The following IGSF11 variants were observed in gnomAD, a reference collection of about 807,000 sequenced individuals.
IGSF11 encodes the protein immunoglobulin superfamily member 11.
A neutral mutation model predicts 41.0 loss-of-function variants in IGSF11; 22 were observed. That is an observed-to-expected ratio of 0.54 (90% confidence interval 0.38 to 0.77). IGSF11 has a LOEUF of 0.77. IGSF11 is among the 30% of genes least tolerant of loss of function. The pLI, the probability that IGSF11 is intolerant of heterozygous loss-of-function variation, is 0.00. For synonymous variants in IGSF11, 219 were observed against 201.3 expected (o/e 1.09, Z -0.74); for missense variants, 444 against 530.8 (o/e 0.84, Z 1.61).
intron 1 of IGSF11, among the ~76,000 whole-genome samples, chr3:118,946,206 A>ACG (rs1450766007): frequency 1.6e-5 from 2 of 128,154 alleles, no homozygotes; most frequent in African/African-American, 5.3e-5. Flanking sequence ...ACACACACGC[A>ACG]CACACACACA....
At chr3:118,939,833 C>T (rs1943549232) in intron 1 of IGSF11, among the ~76,000 whole-genome samples, 1 of 152,012 alleles carries the variant, frequency 6.6e-6, no homozygotes, top group Non-Finnish European at 1.5e-5. Context: ...AAATCAAATG[C>T]AGGCATACAG....
At chr3:118,935,375 TACAC>T (rs551306391) in intron 1 of IGSF11, among the ~76,000 whole-genome samples, 60 of 113,520 alleles carry the variant, frequency 5.3e-4, no homozygotes, top group East Asian at 2.2e-3. Context: ...CTGAGATATA[TACAC>T]ACACACACAC....
At chr3:118,992,534 G>A (rs1321151779) in intron 1 of IGSF11, among the ~76,000 whole-genome samples, 1 of 152,162 alleles carries the variant, frequency 6.6e-6, no homozygotes, top group Non-Finnish European at 1.5e-5. Context: ...AAGACTAGCA[G>A]GGCACATAAT....
At chr3:119,124,594 G>GT (rs2077378407) in intron 1 of IGSF11, among the ~76,000 whole-genome samples, 20 of 151,756 alleles carry the variant, frequency 1.3e-4, no homozygotes, top group Admixed American at 1.3e-3. Context: ...CTTGAAGACA[G>GT]ACTATTTGAA....
intron 1 of IGSF11, among the ~76,000 whole-genome samples, chr3:118,998,511 A>G (rs760516530): frequency 4.6e-5 from 7 of 152,092 alleles, no homozygotes; most frequent in Non-Finnish European, 1.0e-4. Flanking sequence ...CGCAGCAAAC[A>G]TAACATCAAA....
chr3:118,946,229 C>CATAT lies in IGSF11; in HGVS notation c.53-15958_53-15955dup, dbSNP rs573595683. Among the ~76,000 whole-genome samples, 1,239 of 147,910 alleles carry CATAT rather than the reference C, an allele frequency of 8.4e-3. 23 individuals are homozygous for CATAT. Among genetic ancestry groups the CATAT allele is most frequent in the African/African-American group, 0.03 (1,184 of 39,592 alleles). ...GCACACACACACACACACACACAAACATATATATATATATAAATCCGGAAA... is the reference window on the plus strand; with the variant it reads ...GCACACACACACACACACACACAAACATATATATATATATATATAAATCCGGAAA... On this transcript the variant is annotated intron_variant, in intron 1 of 6. Transcript: ENST00000393775.
intron 1 of IGSF11, among the ~76,000 whole-genome samples, chr3:118,985,034 A>G (rs1935114294): frequency 6.6e-6 from 1 of 152,118 alleles, no homozygotes; most frequent in African/African-American, 2.4e-5. Flanking sequence ...TTTTCTAATA[A>G]TTTTCTCTAA....
At chr3:119,000,619 T>A (rs1381343552) in intron 1 of IGSF11, among the ~76,000 whole-genome samples, 1 of 152,110 alleles carries the variant, frequency 6.6e-6, no homozygotes, top group Non-Finnish European at 1.5e-5. Context: ...CCACTTCTCT[T>A]TCATCATTAT....
upstream of IGSF11, chr3:119,034,864 G>T: frequency 8.3e-7 from 1 of 1,205,886 alleles, no homozygotes; most frequent in South Asian, 4.2e-5. Context: ...CCCTCGCGCA[G>T]TCCGGGGAGC....
At position 118,900,965 on chromosome 3, in the gene IGSF11, T is replaced by C. The variant is rs1056634075; in HGVS notation, c.*1555A>G. ...TTCATTCACATAACTGAAAAAAATG[T>C]CAGGAAGCCACTCCCTGTGAAGACT... is the stretch of plus-strand genomic sequence containing the variant. On this transcript the variant is annotated 3_prime_UTR_variant, in exon 7 of 7. Transcript: ENST00000393775. 1 of 152,658 alleles carries C rather than the reference T, an allele frequency of 6.6e-6. No homozygotes were observed. The highest frequency in any genetic ancestry group is 1.5e-5 in the Non-Finnish European group (1 of 68,026). The allele number at this position is 152,658 out of a possible 1,614,324, so 9.5% of individuals were successfully genotyped here.
intron 1 of IGSF11, among the ~76,000 whole-genome samples, chr3:119,079,848 C>G (rs1270152100): frequency 6.6e-6 from 1 of 152,078 alleles, no homozygotes; most frequent in Non-Finnish European, 1.5e-5. Context: ...CATAGGGACA[C>G]AAAACAGGGA....
At chr3:119,066,944 G>A (rs1397870356) in intron 1 of IGSF11, among the ~76,000 whole-genome samples, 4 of 152,024 alleles carry the variant, frequency 2.6e-5, no homozygotes, top group Non-Finnish European at 5.9e-5. Flanking sequence ...TTATCTATGA[G>A]TCCACATTTT....
intron 1 of IGSF11, among the ~76,000 whole-genome samples, chr3:119,122,980 G>T (rs566245592): frequency 6.6e-6 from 1 of 152,288 alleles, no homozygotes; most frequent in African/African-American, 2.4e-5. Context: ...AAAGTAAAGG[G>T]GACTTTGGCT....
At chr3:118,949,800 C>T (rs1022633284) in intron 1 of IGSF11, among the ~76,000 whole-genome samples, 7 of 152,200 alleles carry the variant, frequency 4.6e-5, no homozygotes, top group African/African-American at 1.7e-4. Flanking sequence ...TTTCTTTCTA[C>T]TGTAACACAC....
In IGSF11 at chr3:118,938,071, A is replaced by G. The variant is rs540563144; in HGVS notation, c.53-7796T>C. Reference sequence around the variant, plus strand: ...TGTGTGTGTGTGTGTGTACATATGCATATGTGTATATACATATGTGTGTGT... The same window carrying G: ...TGTGTGTGTGTGTGTGTACATATGCGTATGTGTATATACATATGTGTGTGT... On this transcript the variant is annotated intron_variant, in intron 1 of 6. Transcript: ENST00000393775. Among the ~76,000 whole-genome samples, 8 of 152,118 alleles carry G rather than the reference A, an allele frequency of 5.3e-5. No homozygotes were observed. The South Asian group carries it at 1.0e-3, about 20-fold the overall frequency.
At chr3:119,109,653 G>A (rs2077107797), upstream of IGSF11, among the ~76,000 whole-genome samples, 8 of 152,198 alleles carry the variant, frequency 5.3e-5, no homozygotes, top group South Asian at 1.7e-3. Flanking sequence ...ATTTGCTCTT[G>A]CTTGTCTAGT....
chr3:119,114,133 C>A (rs2077223911), intron 1 of IGSF11, among the ~76,000 whole-genome samples: 1 of 152,210 alleles, frequency 6.6e-6, no homozygotes, highest in African/African-American at 2.4e-5. Flanking sequence ...ATGGGAGGGG[C>A]TGCTGCAAAG....
intron 1 of IGSF11, among the ~76,000 whole-genome samples, chr3:119,020,939 C>T (rs1372309318): frequency 6.6e-6 from 1 of 152,244 alleles, no homozygotes; most frequent in African/African-American, 2.4e-5. Flanking sequence ...TACTTAAGAC[C>T]AGATATCATA....
chr3:119,060,476 T>C (rs1164036876), intron 1 of IGSF11, among the ~76,000 whole-genome samples: 1 of 152,144 alleles, frequency 6.6e-6, no homozygotes, highest in Non-Finnish European at 1.5e-5. Flanking sequence ...ATTTCACACT[T>C]AAATTTAATC....
Sources: gnomAD v4.1 joint callset for allele counts (sites outside exome capture counted in the v4.1 genomes callset) on GRCh38, gnomAD v4.1.1 for gene constraint, MANE v1.5 for transcripts, NCBI Gene and HGNC (gene_info 2026-07-23, HGNC 2026-07-21) for gene names.